The following UBE2E2 variants were observed in gnomAD, a reference collection of about 807,000 sequenced individuals.
UBE2E2 encodes the protein ubiquitin-conjugating enzyme E2 E2.
A neutral mutation model predicts 24.7 loss-of-function variants in UBE2E2; 6 were observed. The ratio of observed to expected loss-of-function variants is 0.24; its 90% CI spans 0.13 to 0.48. The LOEUF is 0.48. UBE2E2 is among the 20% of genes least tolerant of loss of function. UBE2E2 has a pLI of 0.99. For missense variants in UBE2E2, 169 were observed against 245.0 expected (o/e 0.69, Z 2.07); for synonymous variants, 104 against 83.6 (o/e 1.24, Z -1.33).
At chr3:23,275,326 G>T (rs1698352972) in intron 3 of UBE2E2, among the ~76,000 whole-genome samples, 2 of 152,206 alleles carry the variant, frequency 1.3e-5, no homozygotes, top group African/African-American at 4.8e-5. Context: ...GGCAGAGGCG[G>T]CAGCATGTGT....
chr3:23,564,544 A>G (rs1283937476), intron 5 of UBE2E2, among the ~76,000 whole-genome samples: 1 of 152,142 alleles, frequency 6.6e-6, no homozygotes, highest in Non-Finnish European at 1.5e-5. Context: ...CCACACAAGC[A>G]TTTTAAAATT....
At chr3:23,435,839 C>T (rs1403957642) in intron 3 of UBE2E2, among the ~76,000 whole-genome samples, 1 of 152,094 alleles carries the variant, frequency 6.6e-6, no homozygotes, top group Admixed American at 6.6e-5. Context: ...TGGGTTACGT[C>T]GGTGGTCCCC....
intron 1 of UBE2E2, among the ~76,000 whole-genome samples, chr3:23,205,008 A>G (rs375299879): frequency 8.6e-4 from 131 of 152,272 alleles, no homozygotes; most frequent in African/African-American, 2.6e-3. Flanking sequence ...AAGCCAAATC[A>G]TTTCATTTTT....
chr3:23,401,947 C>A (rs1304246067), intron 3 of UBE2E2, among the ~76,000 whole-genome samples: 1 of 150,600 alleles, frequency 6.6e-6, no homozygotes, highest in Non-Finnish European at 1.5e-5. Flanking sequence ...ACCTCTACCT[C>A]CTGGGTTCAA....
chr3:23,413,431 A>G (rs1332599308), intron 3 of UBE2E2, among the ~76,000 whole-genome samples: 2 of 152,112 alleles, frequency 1.3e-5, no homozygotes, highest in Admixed American at 1.3e-4. Flanking sequence ...AACCATCATC[A>G]TTAAGATCAG....
chr3:23,401,029 A>G (rs910386313), intron 3 of UBE2E2, among the ~76,000 whole-genome samples: 1 of 152,218 alleles, frequency 6.6e-6, no homozygotes, highest in African/African-American at 2.4e-5. Flanking sequence ...AATGACTGGT[A>G]TGTTCCTTTA....
At chr3:23,490,061 A>T (rs186567024) in intron 3 of UBE2E2, among the ~76,000 whole-genome samples, 12 of 152,328 alleles carry the variant, frequency 7.9e-5, no homozygotes, top group Non-Finnish European at 1.5e-5. Flanking sequence ...TAATTAAAGG[A>T]TTGCAGATAT....
chr3:23,448,113 G>A (rs1299614836), intron 3 of UBE2E2, among the ~76,000 whole-genome samples: 3 of 152,092 alleles, frequency 2.0e-5, no homozygotes, highest in Non-Finnish European at 2.9e-5. Context: ...TTGTGAAGAA[G>A]TTTTTATCTG....
At chr3:23,367,606 C>T (rs1428210334) in intron 3 of UBE2E2, among the ~76,000 whole-genome samples, 1 of 152,190 alleles carries the variant, frequency 6.6e-6, no homozygotes, top group East Asian at 1.9e-4. Context: ...TCATCTATAT[C>T]CCTTGCAGTA....
At chr3:23,299,504 A>G (rs1699009895) in intron 3 of UBE2E2, among the ~76,000 whole-genome samples, 2 of 152,102 alleles carry the variant, frequency 1.3e-5, no homozygotes, top group African/African-American at 4.8e-5. Context: ...CGTTGGTTTC[A>G]AAGAACATCT....
intron 4 of UBE2E2, among the ~76,000 whole-genome samples, chr3:23,511,266 A>G (rs1200180676): frequency 2.0e-5 from 3 of 152,216 alleles, no homozygotes; most frequent in Non-Finnish European, 2.9e-5. Flanking sequence ...GACAACAAAA[A>G]TTTCTCCAGA....
intron 4 of UBE2E2, among the ~76,000 whole-genome samples, chr3:23,506,341 C>G (rs1694455664): frequency 6.6e-6 from 1 of 152,182 alleles, no homozygotes. Flanking sequence ...TATTGATTAC[C>G]CCATTCTACA....
intron 3 of UBE2E2, among the ~76,000 whole-genome samples, chr3:23,279,253 A>T (rs1160474516): frequency 6.6e-6 from 1 of 152,168 alleles, no homozygotes; most frequent in African/African-American, 2.4e-5. Flanking sequence ...GTATGTTAAA[A>T]AATGAATGTG....
chr3:23,209,755 C>G (rs1029773070), intron 2 of UBE2E2, among the ~76,000 whole-genome samples: 1 of 152,116 alleles, frequency 6.6e-6, no homozygotes, highest in Non-Finnish European at 1.5e-5. Context: ...TTCTAGTAGA[C>G]CTTGTTTTCC....
chr3:23,443,772 C>T (rs1325575291), intron 3 of UBE2E2, among the ~76,000 whole-genome samples: 1 of 152,096 alleles, frequency 6.6e-6, no homozygotes, highest in African/African-American at 2.4e-5. Context: ...TATAATACAC[C>T]CCTTTAACCA....
Position 23,293,205 on chromosome 3 carries a change from G to T in UBE2E2, c.227+75893G>T, listed in dbSNP as rs142132885. 5.6e-4 allele frequency among the ~76,000 whole-genome samples: 86 copies of T among 152,318 alleles called. 3 individuals carry two copies. The East Asian group carries it at 0.015, about 27-fold the overall frequency. ...TCATCCTAACGTTAGTCGTTGTGTG[G>T]ACAGCAACAGATTAAGTAAAAAGTT... On this transcript the variant is annotated intron_variant, in intron 3 of 5. Transcript: ENST00000396703.
chr3:23,413,050 G>A (rs1697530921), intron 3 of UBE2E2, among the ~76,000 whole-genome samples: 1 of 142,652 alleles, frequency 7.0e-6, no homozygotes, highest in African/African-American at 2.6e-5. Flanking sequence ...CAGTTTTGGG[G>A]TGGGGGGAGG....
intron 3 of UBE2E2, among the ~76,000 whole-genome samples, chr3:23,321,722 T>C (rs568398537): frequency 1.9e-4 from 29 of 150,878 alleles, no homozygotes; most frequent in Non-Finnish European, 4.1e-4. Flanking sequence ...ATGAATGTTT[T>C]ACAATTTGTT....
chr3:23,389,958 C>A (rs1310082508), intron 3 of UBE2E2: 1 of 152,470 alleles, frequency 6.6e-6, no homozygotes, highest in Non-Finnish European at 1.5e-5. Flanking sequence ...CAGTTCATTG[C>A]AACCTGGAAC....
Sources: allele counts gnomAD v4.1 joint callset (sites outside exome capture counted in the v4.1 genomes callset), GRCh38; gene constraint gnomAD v4.1.1; transcripts MANE v1.5; gene names NCBI Gene and HGNC (gene_info 2026-07-23, HGNC 2026-07-21).